Variants in GBA2 observed in about 807,000 individuals in gnomAD.
The protein encoded by GBA2 is glucosylceramidase beta 2.
GBA2 carries 79 observed loss-of-function variants against 112.9 expected under a neutral mutation model. That is an observed-to-expected ratio of 0.70 (90% CI 0.58 to 0.84). The LOEUF (loss-of-function observed/expected upper bound fraction) is 0.84, where lower values mean the gene tolerates loss of function less well. GBA2 is among the 40% of genes least tolerant of loss of function. The pLI is 0.00. For synonymous variants in GBA2, 403 were observed against 434.3 expected (o/e 0.93, Z 0.90); for missense variants, 1,043 against 1,190.0 (o/e 0.88, Z 1.82).
Position 35,738,224 on chromosome 9 carries a change from G to C in GBA2, c.2197+8C>G, listed in dbSNP as rs371770069. ...TGCCTTAAGACTACTTAGGCTCCCC[G>C]AACTCACCATTCCACAGCAGTCTCT... On this transcript the variant is annotated splice_region_variant and intron_variant, in intron 14 of 16. Coordinates refer to ENST00000378103, the MANE Select transcript of GBA2 (RefSeq NM_020944.3). 3 of 1,614,090 alleles carry C rather than the reference G, an allele frequency of 1.9e-6. No homozygotes were observed. Among genetic ancestry groups the C allele is most frequent in the East Asian group, 2.2e-5 (1 of 44,872 alleles).
At position 35,737,204 on chromosome 9, in the gene GBA2, G is replaced by T. The variant is rs750690503; in HGVS notation, c.2749C>A (p.Pro917Thr). Residue 917 changes from proline to threonine, a missense_variant, in exon 17 of 17, where the codon CCA becomes ACA. Transcript: ENST00000378103. The surrounding 1 kb of genome is among the most constrained non-coding windows in gnomAD (Gnocchi z 4.1). ...CTCAGGTTTGCCATGGCTTCCTTTG[G>T]TCCAAACATAGGCCCTGTCCTTAGT... ...TGLRTGPMFG[P>T]KEAMANLSPE The T allele has an allele frequency of 1.2e-6, 2 of 1,611,016 alleles. No homozygotes were observed. The highest frequency in any genetic ancestry group is 1.7e-6 in the Non-Finnish European group (2 of 1,179,984).
chr9:35,742,864 T>A (rs566618663), intron 3 of GBA2, among the ~76,000 whole-genome samples: 2 of 152,262 alleles, frequency 1.3e-5, no homozygotes, highest in Non-Finnish European at 2.9e-5. Context: ...ATTTTTATTG[T>A]ATACAGTGGG....
chr9:35,748,468 G>A lies in GBA2; in HGVS notation c.237C>T (p.Tyr79=), dbSNP rs1198199289. 3.7e-6 allele frequency: 6 copies of A among 1,613,942 alleles called. No homozygotes were observed. Among genetic ancestry groups the A allele is most frequent in the Non-Finnish European group, 5.1e-6 (6 of 1,179,932 alleles). The change falls in exon 1 of 17, where the codon TAC becomes TAT. Residue 79 remains tyrosine, a synonymous_variant. Coordinates refer to ENST00000378103, the MANE Select transcript of GBA2 (RefSeq NM_020944.3). The part of the protein sequence containing the change: ...MVSYEGKAMG[Y]QVPPFGWRIC... ...TGCGCCAGCCAAAGGGAGGCACCTG[G>A]TAGCCCATAGCTTTACCCTCATAGG...
In GBA2 at chr9:35,748,599, C is replaced by T. The variant is rs1239131022; in HGVS notation, c.106G>A (p.Gly36Ser). 6 of 1,613,674 alleles carry T rather than the reference C, an allele frequency of 3.7e-6. 1 individual carries two copies. The South Asian group carries it at 5.5e-5, about 15-fold the overall frequency. ...TCTGTAACCTGCACATCCTTGGTGC[C>T]GCCAGTCTCTTCAGGGCAATAAACT... ...PQVYCPEETGGTKDVQVTDCK... is the reference protein window; with the variant it reads ...PQVYCPEETGSTKDVQVTDCK... Residue 36 changes from glycine (G) to serine (S), a missense_variant, in exon 1 of 17, where the codon GGC becomes AGC. Coordinates refer to ENST00000378103, the MANE Select transcript of GBA2 (RefSeq NM_020944.3).
rs1256248999 is a variant in GBA2, at chr9:35,738,214, T to A, written c.2197+18A>T. 6.2e-7 allele frequency: 1 copy of A among 1,613,838 alleles called. No individual in the cohort carries two copies. Among genetic ancestry groups the A allele is most frequent in the African/African-American group, 1.3e-5 (1 of 74,906 alleles). ...TCCTCTCAGCTGCCTTAAGACTACT[T>A]AGGCTCCCCGAACTCACCATTCCAC... On this transcript the variant is annotated intron_variant, in intron 14 of 16. Transcript: ENST00000378103.
At chr9:35,738,465 C>A in intron 13 of GBA2, 61 bp downstream of exon 13, 1 of 1,587,060 alleles carries the variant, frequency 6.3e-7, no homozygotes, top group South Asian at 1.1e-5. Flanking sequence ...TTCTTGAGCC[C>A]TACAATCCCT....
At position 35,740,098 on chromosome 9, in the gene GBA2, C is replaced by G. The variant is rs750532229; in HGVS notation, c.1309G>C (p.Asp437His). The G allele has an allele frequency of 6.2e-7, 1 of 1,614,080 alleles. No individual in the cohort carries two copies. Among genetic ancestry groups the G allele is most frequent in the Non-Finnish European group, 8.5e-7 (1 of 1,179,992 alleles). The change falls in exon 8 of 17, where the codon GAT becomes CAT. Residue 437 changes from aspartate (D) to histidine (H), a missense_variant. Physicochemically the swap from Asp to His is moderately conservative, Grantham distance 81. Transcript: ENST00000378103. The surrounding 1 kb of genome is among the most constrained non-coding windows in gnomAD (Gnocchi z 4.7). ...YRRYTRFFGQ[D>H]GDAAPALSHY... The stretch of plus-strand genomic sequence containing the variant: ...CTGAGGGCAGGTGCTGCATCTCCAT[C>G]CTGGCCAAAGAACCTTGTATACCGC...
At chr9:35,748,318 G>A (rs1428621310) in intron 1 of GBA2, 28 bp downstream of exon 1, 1 of 1,371,782 alleles carries the variant, frequency 7.3e-7, no homozygotes, top group South Asian at 1.3e-5. Flanking sequence ...TGAAGCCAAA[G>A]GCATTCTAGG....
chr9:35,741,132 A>G lies in GBA2; in HGVS notation c.787-68T>C. On this transcript the variant is annotated intron_variant, in intron 4 of 16. Coordinates refer to ENST00000378103, the MANE Select transcript of GBA2 (RefSeq NM_020944.3). This position sits in a 1 kb window ranked among gnomAD's most constrained non-coding sequence, Gnocchi z 4.6. Reference sequence around the variant, plus strand: ...CTCCTGACCCCACTCTGCTAGGATCAGTCCTGGGCACACAGAGGACCTGAC... The same window carrying G: ...CTCCTGACCCCACTCTGCTAGGATCGGTCCTGGGCACACAGAGGACCTGAC... The G allele has an allele frequency of 6.4e-7, 1 of 1,558,778 alleles. No individual in the cohort carries two copies. Among genetic ancestry groups the G allele is most frequent in the Admixed American group, 1.7e-5 (1 of 58,410 alleles).
Position 35,746,342 on chromosome 9 carries a change from A to C in GBA2, c.360-1636T>G, listed in dbSNP as rs1826966917. ...GGTGGCTCACACCTGTAATCCCAGC[A>C]CTTTGAGAGGCCGAGGTGGGCGGAT... On this transcript the variant is annotated intron_variant, in intron 1 of 16. Coordinates refer to ENST00000378103, the MANE Select transcript of GBA2 (RefSeq NM_020944.3). The surrounding 1 kb of genome is among the most constrained non-coding windows in gnomAD (Gnocchi z 5.2). Among the ~76,000 whole-genome samples, 1 of 152,236 alleles carries C rather than the reference A, an allele frequency of 6.6e-6. No homozygotes were observed. Among genetic ancestry groups the C allele is most frequent in the African/African-American group, 2.4e-5 (1 of 41,464 alleles).
At chr9:35,743,918 G>A (rs1283764181) in intron 3 of GBA2, among the ~76,000 whole-genome samples, 3 of 152,028 alleles carry the variant, frequency 2.0e-5, no homozygotes, top group Non-Finnish European at 4.4e-5. Context: ...TTTCCCATGA[G>A]TTTATAGACT....
Position 35,740,111 on chromosome 9 carries a change from C to T in GBA2, c.1296G>A (p.Arg432=). ...KGQVHYRRYT[R]FFGQDGDAAP... ...CTGCATCTCCATCCTGGCCAAAGAA[C>T]CTTGTATACCGCCTGGGGTGGGAAG... Residue 432 remains arginine (R), a synonymous_variant, in exon 8 of 17, where the codon AGG becomes AGA. Coordinates refer to ENST00000378103, the MANE Select transcript of GBA2 (RefSeq NM_020944.3). The surrounding 1 kb of genome is among the most constrained non-coding windows in gnomAD (Gnocchi z 4.7). 6.2e-7 allele frequency: 1 copy of T among 1,614,098 alleles called. No homozygotes were observed. Among genetic ancestry groups the T allele is most frequent in the Non-Finnish European group, 8.5e-7 (1 of 1,180,004 alleles).
Position 35,746,317 on chromosome 9 carries a change from G to A in GBA2, c.360-1611C>T, listed in dbSNP as rs562896549. On this transcript the variant is annotated intron_variant, in intron 1 of 16. Transcript: ENST00000378103. The surrounding 1 kb of genome is among the most constrained non-coding windows in gnomAD (Gnocchi z 5.2). ...ATGAATAGGGACAGCGGCCAGGCAC[G>A]GTGGCTCACACCTGTAATCCCAGCA... 2.0e-5 allele frequency among the ~76,000 whole-genome samples: 3 copies of A among 152,332 alleles called. No homozygotes were observed. Among genetic ancestry groups the A allele is most frequent in the African/African-American group, 4.8e-5 (2 of 41,562 alleles).
In GBA2 at chr9:35,741,999, C is replaced by A; in HGVS notation, c.568-109G>T. 1.4e-6 allele frequency: 1 copy of A among 726,754 alleles called. No individual in the cohort carries two copies. The highest frequency in any genetic ancestry group is 1.5e-5 in the South Asian group (1 of 65,494). The allele number at this position is 726,754 out of a possible 1,614,324, so 45.0% of individuals were successfully genotyped here. On this transcript the variant is annotated intron_variant, in intron 3 of 16. Coordinates refer to ENST00000378103, the MANE Select transcript of GBA2 (RefSeq NM_020944.3). This position sits in a 1 kb window ranked among gnomAD's most constrained non-coding sequence, Gnocchi z 4.6. ...CTTTCAGAGCCTGCAACTGTTACCA[C>A]TGCACCATCAGCTTCAAGTCATCCC...
At position 35,738,929 on chromosome 9, in the gene GBA2, C is replaced by T. The variant is rs761635375; in HGVS notation, c.1796-26G>A. 5.0e-6 allele frequency: 8 copies of T among 1,613,214 alleles called. No homozygotes were observed. In the South Asian group the frequency reaches 6.6e-5, roughly 13 times the overall value. ...CTGTGGGAGAGGAGGGGACTTGGGT[C>T]ACTTGCATTGGTGGATAGGGTAGAG... On this transcript the variant is annotated intron_variant, in intron 11 of 16. Transcript: ENST00000378103.
rs1489629340 is a variant in GBA2 at position 35,749,180 on chromosome 9, G to T, written c.-476C>A. 2.9e-6 allele frequency: 1 copy of T among 342,816 alleles called. No individual in the cohort carries two copies. Among genetic ancestry groups the T allele is most frequent in the Admixed American group, 3.9e-5 (1 of 25,572 alleles). 21.2% of individuals were successfully genotyped at this position (342,816 alleles called of 1,614,324 possible). On this transcript the variant is annotated 5_prime_UTR_variant, in exon 1 of 17. Transcript: ENST00000378103. This position sits in a 1 kb window ranked among gnomAD's most constrained non-coding sequence, Gnocchi z 4.4. The stretch of plus-strand genomic sequence containing the variant: ...AGCGCCCGCGCCCAGGTGCCAGCCC[G>T]TGGGAAGGTGACCCTGGGCGCCGGG...
In GBA2 at chr9:35,741,095, C is replaced by T. The variant is rs769131718; in HGVS notation, c.787-31G>A. The T allele has an allele frequency of 1.9e-6, 3 of 1,611,550 alleles. No individual in the cohort carries two copies. Among genetic ancestry groups the T allele is most frequent in the Non-Finnish European group, 2.5e-6 (3 of 1,178,962 alleles). On this transcript the variant is annotated intron_variant, in intron 4 of 16. Transcript: ENST00000378103. The surrounding 1 kb of genome is among the most constrained non-coding windows in gnomAD (Gnocchi z 4.6). ...GGCAGAAGATTAGACTCAGACGGTC[C>T]CAGTAGAGCGCCTCCTGACCCCACT...
At position 35,741,646 on chromosome 9, in the gene GBA2, G is replaced by T; in HGVS notation, c.786+26C>A. On this transcript the variant is annotated intron_variant, in intron 4 of 16. Coordinates refer to ENST00000378103, the MANE Select transcript of GBA2 (RefSeq NM_020944.3). This position sits in a 1 kb window ranked among gnomAD's most constrained non-coding sequence, Gnocchi z 4.6. ...CAGGTCCTGGGGAAGGGAGGGCAAT[G>T]GAAGATACAGATGTGGGGGCCTCAC... 1 of 1,420,248 alleles carries T rather than the reference G, an allele frequency of 7.0e-7. No homozygotes were observed. Among genetic ancestry groups the T allele is most frequent in the Non-Finnish European group, 1.0e-6 (1 of 1,003,210 alleles). The allele number at this position is 1,420,248 out of a possible 1,614,324, so 88.0% of individuals were successfully genotyped here. A position where few individuals can be genotyped will look rare whatever the true frequency, so the allele number is the denominator to read the frequency against.
At position 35,739,374 on chromosome 9, in the gene GBA2, G is replaced by C. The variant is rs1273300646; in HGVS notation, c.1628C>G (p.Ala543Gly). The C allele has an allele frequency of 1.2e-6, 2 of 1,613,646 alleles. No homozygotes were observed. The highest frequency in any genetic ancestry group is 3.3e-5 in the Admixed American group (2 of 60,026). Reference protein sequence around the residue: ...MYNTYDVHFYASFALIMLWPK... With the variant: ...MYNTYDVHFYGSFALIMLWPK... ...CCAGAGCATGATGAGGGCAAAGGAA[G>C]CATAAAAGTGGACATCATATGTGTT... The change falls in exon 10 of 17, where the codon GCT becomes GGT. Residue 543 changes from alanine (A) to glycine (G), a missense_variant. Coordinates refer to ENST00000378103, the MANE Select transcript of GBA2 (RefSeq NM_020944.3).
Sources: allele counts gnomAD v4.1 joint callset (sites outside exome capture counted in the v4.1 genomes callset), GRCh38; gene constraint gnomAD v4.1.1; non-coding constraint Gnocchi (gnomAD v3.1); transcripts MANE v1.5; gene names NCBI Gene and HGNC (gene_info 2026-07-23, HGNC 2026-07-21).